Variants in ABTB2 observed in about 807,000 individuals in gnomAD.
ABTB2 encodes ankyrin repeat and BTB/POZ domain-containing protein 2.
Under a neutral mutation model 104.1 loss-of-function variants are expected in ABTB2, and 56 were observed. The ratio of observed to expected loss-of-function variants is 0.54; its 90% CI spans 0.43 to 0.67. ABTB2 has a LOEUF of 0.67. ABTB2 is among the 30% of genes least tolerant of loss of function. The pLI is 0.00. For synonymous variants in ABTB2, 606 were observed against 608.2 expected (o/e 1.00, Z 0.05); for missense variants, 1,279 against 1,407.7 (o/e 0.91, Z 1.46).
intron 1 of ABTB2, among the ~76,000 whole-genome samples, chr11:34,270,294 G>C (rs1196876502): frequency 6.6e-6 from 1 of 151,326 alleles, no homozygotes; most frequent in Non-Finnish European, 1.5e-5. Context: ...CATAGCCCAC[G>C]TATCTTTGAA....
chr11:34,289,106 G>A (rs568879314), intron 1 of ABTB2, among the ~76,000 whole-genome samples: 56 of 152,316 alleles, frequency 3.7e-4, no homozygotes, highest in African/African-American at 1.3e-3. Flanking sequence ...TTCTGACAGG[G>A]GTGGCAAGAG....
chr11:34,353,361 GGGGAGAGGA>G (rs1476081367), intron 1 of ABTB2, among the ~76,000 whole-genome samples: 3 of 152,282 alleles, frequency 2.0e-5, no homozygotes, highest in African/African-American at 7.2e-5. Flanking sequence ...GGAAGTGATG[GGGGAGAGGA>G]GGGAGAGAGA....
intron 1 of ABTB2, among the ~76,000 whole-genome samples, chr11:34,304,357 G>A (rs772545327): frequency 1.3e-5 from 2 of 151,846 alleles, no homozygotes; most frequent in Non-Finnish European, 2.9e-5. Flanking sequence ...GCTATTCTCC[G>A]GCCTCTGCCT....
At chr11:34,334,600 A>C (rs1010594791) in intron 1 of ABTB2, among the ~76,000 whole-genome samples, 1 of 152,174 alleles carries the variant, frequency 6.6e-6, no homozygotes, top group African/African-American at 2.4e-5. Context: ...GAGCCTTGGC[A>C]ACCATCTACA....
intron 1 of ABTB2, among the ~76,000 whole-genome samples, chr11:34,240,058 CAGA>C (rs1204010206): frequency 3.3e-5 from 5 of 152,176 alleles, no homozygotes; most frequent in Non-Finnish European, 5.9e-5. Context: ...TTAATGGACA[CAGA>C]AGATTTGACA....
chr11:34,254,350 C>T (rs751448287), intron 1 of ABTB2, among the ~76,000 whole-genome samples: 13 of 152,030 alleles, frequency 8.6e-5, no homozygotes, highest in East Asian at 1.9e-4. Context: ...CAGGCTTAAG[C>T]GATCCTACCA....
At chr11:34,347,032 T>C (rs1444064964) in intron 1 of ABTB2, among the ~76,000 whole-genome samples, 1 of 152,138 alleles carries the variant, frequency 6.6e-6, no homozygotes, top group Non-Finnish European at 1.5e-5. Flanking sequence ...CTCTTTGAGG[T>C]CCAGTTTAAT....
chr11:34,174,814 G>A (rs1433874811), intron 3 of ABTB2, among the ~76,000 whole-genome samples: 1 of 152,274 alleles, frequency 6.6e-6, no homozygotes, highest in Non-Finnish European at 1.5e-5. Context: ...CAGCCCTGGA[G>A]CCCTGTCCCT....
intron 1 of ABTB2, among the ~76,000 whole-genome samples, chr11:34,243,718 A>T (rs1257975672): frequency 6.6e-6 from 1 of 152,258 alleles, no homozygotes; most frequent in Non-Finnish European, 1.5e-5. Context: ...GCACAGACTC[A>T]GTGAAAGATA....
At chr11:34,196,336 G>A (rs922312887) in intron 3 of ABTB2, among the ~76,000 whole-genome samples, 2 of 152,188 alleles carry the variant, frequency 1.3e-5, no homozygotes, top group East Asian at 1.9e-4. Context: ...CGTGGATCAC[G>A]AGATCAGGAG....
intron 1 of ABTB2, among the ~76,000 whole-genome samples, chr11:34,218,103 T>C (rs531026295): frequency 5.2e-5 from 8 of 152,394 alleles, no homozygotes; most frequent in Non-Finnish European, 1.2e-4. Flanking sequence ...GAGATGTCTG[T>C]TAAGATCTTT....
intron 1 of ABTB2, among the ~76,000 whole-genome samples, chr11:34,346,850 C>T (rs1855338427): frequency 6.6e-6 from 1 of 152,212 alleles, no homozygotes; most frequent in South Asian, 2.1e-4. Context: ...TGTGCACGTA[C>T]ACCCACTTGG....
chr11:34,295,124 TAGTG>T (rs1854606169), intron 1 of ABTB2, among the ~76,000 whole-genome samples: 1 of 152,122 alleles, frequency 6.6e-6, no homozygotes, highest in African/African-American at 2.4e-5. Context: ...TTTGAGGCTG[TAGTG>T]AATTATGATT....
chr11:34,184,670 C>T (rs1285596035), intron 3 of ABTB2, among the ~76,000 whole-genome samples: 2 of 152,254 alleles, frequency 1.3e-5, no homozygotes, highest in Non-Finnish European at 2.9e-5. Flanking sequence ...GCTGCCCCAG[C>T]ACAAGGGCAG....
rs779600086 is a variant in ABTB2 at position 34,159,947 on chromosome 11, C to T, written c.2565G>A (p.Leu855=). Residue 855 remains leucine, a synonymous_variant, in exon 13 of 17, where the codon CTG becomes CTA. Transcript: ENST00000435224. Reference sequence around the variant, plus strand: ...CCAGCAGGACTTTATGTGCATAAAACAGCTTTCCTTCCACCAGGAAGGTCA... The same window carrying T: ...CCAGCAGGACTTTATGTGCATAAAATAGCTTTCCTTCCACCAGGAAGGTCA... The part of the protein sequence containing the change: ...SDVTFLVEGK[L]FYAHKVLLVT... 1.9e-6 allele frequency: 3 copies of T among 1,614,010 alleles called. No individual in the cohort carries two copies. The highest frequency in any genetic ancestry group is 8.5e-7 in the Non-Finnish European group (1 of 1,180,042).
At chr11:34,160,389 G>A (rs778553063) in intron 11 of ABTB2, 36 bp from the exon 12 acceptor site, 8 of 1,454,534 alleles carry the variant, frequency 5.5e-6, no homozygotes, top group African/African-American at 1.4e-5. Context: ...TGAGCTGCCC[G>A]CTGTGGCTGG....
At chr11:34,348,925 T>G (rs565519384) in intron 1 of ABTB2, among the ~76,000 whole-genome samples, 91 of 152,312 alleles carry the variant, frequency 6.0e-4, no homozygotes, top group African/African-American at 2.0e-3. Flanking sequence ...CAGTCAAGAT[T>G]CTTGTCCCTT....
chr11:34,332,999 A>G (rs111958642), intron 1 of ABTB2, among the ~76,000 whole-genome samples: 3 of 152,350 alleles, frequency 2.0e-5, no homozygotes, highest in African/African-American at 7.2e-5. Flanking sequence ...ATGGCCATTC[A>G]TAAACAAACA....
chr11:34,173,164 C>T lies in ABTB2; in HGVS notation c.1388G>A (p.Arg463Gln), dbSNP rs763387343. ...LLLPGLDCEPRQLKPEHCFSS... is the reference protein window; with the variant it reads ...LLLPGLDCEPQQLKPEHCFSS... ...CCTCCCTGGTTCATACTTGAGCTGC[C>T]GAGGTTCACAGTCCAGACCAGGCAG... Residue 463 changes from arginine (R) to glutamine (Q), a missense_variant, in exon 4 of 17, where the codon CGG becomes CAG. Coordinates refer to ENST00000435224, the MANE Select transcript of ABTB2 (RefSeq NM_145804.3). 17 of 1,613,580 alleles carry T rather than the reference C, an allele frequency of 1.1e-5. No individual in the cohort carries two copies. In the African/African-American group the frequency reaches 1.3e-4, roughly 13 times the overall value.
Sources: allele counts gnomAD v4.1 joint callset (sites outside exome capture counted in the v4.1 genomes callset), GRCh38; gene constraint gnomAD v4.1.1; transcripts MANE v1.5; gene names NCBI Gene and HGNC (gene_info 2026-07-23, HGNC 2026-07-21).